Variants in KAZN observed in about 807,000 individuals in gnomAD.
KAZN encodes kazrin, periplakin interacting protein.
In KAZN, 40 loss-of-function variants were observed where a neutral mutation model predicts 87.4. The observed-to-expected ratio is 0.46, with a 90% CI of 0.36 to 0.60. The LOEUF (loss-of-function observed/expected upper bound fraction) is 0.60, where lower values mean the gene tolerates loss of function less well. KAZN is among the 20% of genes least tolerant of loss of function. The pLI is 0.00. For missense variants in KAZN, 898 were observed against 1,073.9 expected (o/e 0.84, Z 2.29); for synonymous variants, 466 against 458.3 (o/e 1.02, Z -0.22).
At chr1:14,938,499 AC>A (rs2101623567) in intron 1 of KAZN, among the ~76,000 whole-genome samples, 1 of 149,414 alleles carries the variant, frequency 6.7e-6, no homozygotes, top group East Asian at 2.0e-4. Flanking sequence ...CCAAGATCGC[AC>A]CACTGCACTC....
chr1:14,089,659 TA>T (rs1194702432), intron 1 of KAZN, among the ~76,000 whole-genome samples: 2 of 152,174 alleles, frequency 1.3e-5, no homozygotes, highest in African/African-American at 4.8e-5. Flanking sequence ...ATTCTTTACA[TA>T]GCCAATTATC....
Position 15,021,831 on chromosome 1 carries a change from G to A in KAZN, c.419-12918G>A, listed in dbSNP as rs559469524. Among the ~76,000 whole-genome samples, 7 of 152,256 alleles carry A rather than the reference G, an allele frequency of 4.6e-5. No individual in the cohort carries two copies. Among genetic ancestry groups the A allele is most frequent in the Non-Finnish European group, 7.4e-5 (5 of 68,010 alleles). ...TGGCTCCTGGCATCTGTATGAGTTC[G>A]TTTTCATGCTGCTGATAAAGACATA... On this transcript the variant is annotated intron_variant, in intron 2 of 14. Coordinates refer to ENST00000376030, the MANE Select transcript of KAZN (RefSeq NM_201628.3). This position sits in a 1 kb window ranked among gnomAD's most constrained non-coding sequence, Gnocchi z 4.2.
At chr1:14,823,548 G>T (rs553788509) in intron 1 of KAZN, among the ~76,000 whole-genome samples, 1 of 152,284 alleles carries the variant, frequency 6.6e-6, no homozygotes, top group East Asian at 1.9e-4. Flanking sequence ...GTATTCAGAA[G>T]GTAGTGGCCA....
intron 1 of KAZN, among the ~76,000 whole-genome samples, chr1:14,771,175 G>C (rs1020881305): frequency 6.6e-6 from 1 of 152,128 alleles, no homozygotes; most frequent in Non-Finnish European, 1.5e-5. Context: ...CCCCGAGGAA[G>C]AAAGAATTTT....
intron 1 of KAZN, among the ~76,000 whole-genome samples, chr1:14,633,781 G>A (rs1269478845): frequency 6.6e-6 from 1 of 151,934 alleles, no homozygotes; most frequent in Non-Finnish European, 1.5e-5. Flanking sequence ...AGTGCCTTGG[G>A]GACATGATTA....
At chr1:15,102,298 G>T (rs1435060567) in intron 11 of KAZN, among the ~76,000 whole-genome samples, 1 of 152,154 alleles carries the variant, frequency 6.6e-6, no homozygotes, top group East Asian at 1.9e-4. Flanking sequence ...CTCAGGGATG[G>T]CTCCTCAGAG....
intron 1 of KAZN, among the ~76,000 whole-genome samples, chr1:13,903,505 TG>T (rs1213379592): frequency 6.6e-6 from 1 of 152,128 alleles, no homozygotes; most frequent in Non-Finnish European, 1.5e-5. Flanking sequence ...GGAGAGCCAG[TG>T]GGGGACTCCC....
At chr1:14,367,464 G>T (rs896398803) in intron 2 of KAZN, among the ~76,000 whole-genome samples, 3 of 152,114 alleles carry the variant, frequency 2.0e-5, no homozygotes, top group Non-Finnish European at 4.4e-5. Context: ...GGGACAGGAT[G>T]GGGGGCGGGC....
At chr1:14,138,083 G>C (rs1274538211) in intron 1 of KAZN, among the ~76,000 whole-genome samples, 1 of 81,218 alleles carries the variant, frequency 1.2e-5, no homozygotes, top group African/African-American at 8.8e-5. Context: ...AAATGTTACA[G>C]TGTGTGTGTG....
rs764972664 is a variant in KAZN at position 14,837,202 on chromosome 1, T to C, written c.227-123482T>C. Among the ~76,000 whole-genome samples the C allele has an allele frequency of 5.9e-5, 9 of 152,344 alleles. 1 individual carries two copies. The highest frequency in any genetic ancestry group is 2.2e-4 in the African/African-American group (9 of 41,586). ...CTAAAATACATCCCTGCTGTTGTTGTTGCTGCTGTTTTTGAGACTGAGTTT... is the reference window on the plus strand; with the variant it reads ...CTAAAATACATCCCTGCTGTTGTTGCTGCTGCTGTTTTTGAGACTGAGTTT... On this transcript the variant is annotated intron_variant, in intron 1 of 14. Coordinates refer to ENST00000376030, the MANE Select transcript of KAZN (RefSeq NM_201628.3).
chr1:14,113,815 A>G (rs1280298920), intron 1 of KAZN, among the ~76,000 whole-genome samples: 2 of 152,214 alleles, frequency 1.3e-5, no homozygotes, highest in Admixed American at 6.5e-5. Context: ...ACTCAATGAC[A>G]TTATTTATGC....
chr1:14,134,494 T>G lies in KAZN; in HGVS notation c.92-45941T>G, dbSNP rs981358407. On this transcript the variant is annotated intron_variant, in intron 1 of 16. Transcript: ENST00000636203. ...TATGAGAAATTGAAGCTCAAAAGATTAAATGACCTGCCCAAACTCATGCGG... is the reference window on the plus strand; with the variant it reads ...TATGAGAAATTGAAGCTCAAAAGATGAAATGACCTGCCCAAACTCATGCGG... Among the ~76,000 whole-genome samples the G allele has an allele frequency of 2.6e-5, 4 of 152,156 alleles. No homozygotes were observed. In the East Asian group the frequency reaches 5.8e-4, roughly 22 times the overall value.
At chr1:14,171,206 G>A (rs548144036) in intron 1 of KAZN, among the ~76,000 whole-genome samples, 56 of 152,258 alleles carry the variant, frequency 3.7e-4, no homozygotes, top group African/African-American at 1.3e-3. Context: ...TGGGAATTTG[G>A]GTTGTTTCCA....
intron 4 of KAZN, among the ~76,000 whole-genome samples, chr1:15,048,395 T>C (rs1451454225): frequency 6.6e-6 from 1 of 151,856 alleles, no homozygotes; most frequent in African/African-American, 2.4e-5. Context: ...GTAACCACAC[T>C]GGCCCCAAGG....
chr1:14,703,210 A>T (rs1642024734), intron 1 of KAZN, among the ~76,000 whole-genome samples: 1 of 152,218 alleles, frequency 6.6e-6, no homozygotes, highest in Non-Finnish European at 1.5e-5. Flanking sequence ...GAGTAGGTTG[A>T]CCAGGCTGGG....
At chr1:14,128,157 T>A (rs1644913950) in intron 1 of KAZN, among the ~76,000 whole-genome samples, 1 of 152,010 alleles carries the variant, frequency 6.6e-6, no homozygotes, top group Non-Finnish European at 1.5e-5. Flanking sequence ...GGAGCTCCCT[T>A]TTTGTGTGCT....
intron 2 of KAZN, among the ~76,000 whole-genome samples, chr1:15,027,070 CTTTTTTTTTTT>C (rs71000358): frequency 5.3e-5 from 3 of 56,116 alleles, no homozygotes; most frequent in Non-Finnish European, 9.3e-5. Flanking sequence ...GCCAGTGCTT[CTTTTTTTTTTT>C]TTTTTTTTTT....
At chr1:14,381,592 T>C (rs1021383987) in intron 2 of KAZN, among the ~76,000 whole-genome samples, 1 of 152,208 alleles carries the variant, frequency 6.6e-6, no homozygotes, top group Non-Finnish European at 1.5e-5. Flanking sequence ...ATCATTTCAA[T>C]TGATGCTGAA....
chr1:14,283,630 T>C (rs762738196), intron 2 of KAZN, among the ~76,000 whole-genome samples: 51 of 152,162 alleles, frequency 3.4e-4, no homozygotes, highest in Non-Finnish European at 6.8e-4. Context: ...CCCTTATACG[T>C]TGCTGGTGGG....
Sources: gnomAD v4.1 joint callset for allele counts (sites outside exome capture counted in the v4.1 genomes callset) on GRCh38, gnomAD v4.1.1 for gene constraint, Gnocchi (gnomAD v3.1) non-coding constraint, MANE v1.5 for transcripts, NCBI Gene and HGNC (gene_info 2026-07-23, HGNC 2026-07-21) for gene names.